The following PPFIA3 variants were observed in gnomAD, a reference collection of about 807,000 sequenced individuals.
The protein encoded by PPFIA3 is PPFI scaffold protein A3.
In PPFIA3, 26 loss-of-function variants were observed where a neutral mutation model predicts 145.8. The ratio of observed to expected loss-of-function variants is 0.18; its 90% confidence interval spans 0.13 to 0.25. The LOEUF (loss-of-function observed/expected upper bound fraction) is 0.25, where lower values mean the gene tolerates loss of function less well. Ranked by LOEUF, PPFIA3 falls within the 10% of genes least tolerant of loss-of-function variation. The pLI, the probability that PPFIA3 is intolerant of heterozygous loss-of-function variation, is 1.00. For missense variants in PPFIA3, 1,008 were observed against 1,587.8 expected, an observed-to-expected ratio of 0.63 and a Z score of 6.21; for synonymous variants, 645 against 661.4, an observed-to-expected ratio of 0.98 and a Z score of 0.38.
intron 19 of PPFIA3, among the ~76,000 whole-genome samples, 169 bp from the exon 20 acceptor site, chr19:49,141,865 A>G (rs181352738): frequency 6.7e-6 from 1 of 150,128 alleles, no homozygotes; most frequent in East Asian, 2.0e-4. Flanking sequence ...GAGAGGATTT[A>G]CAGATTCACA....
intron 16 of PPFIA3, 65 bp downstream of exon 16, chr19:49,138,492 C>A: frequency 7.4e-7 from 1 of 1,344,708 alleles, no homozygotes; most frequent in Non-Finnish European, 9.9e-7. Context: ...CAGGGCTCCC[C>A]AGTGTACAGC....
In PPFIA3 at chr19:49,133,377, G is replaced by C. The variant is rs373075190; in HGVS notation, c.1161+6G>C. The stretch of plus-strand genomic sequence containing the variant: ...GCGTGGCGGCGCTCAACAAGGTGCG[G>C]GGAGGACTCGGGTCGGGGCCTTGCG... On this transcript the variant is annotated splice_donor_region_variant and intron_variant, in intron 9 of 29. Transcript: ENST00000334186. The surrounding 1 kb of genome is among the most constrained non-coding windows in gnomAD (Gnocchi z 7.2). 25 of 1,595,258 alleles carry C rather than the reference G, an allele frequency of 1.6e-5. No individual in the cohort carries two copies. The African/African-American group carries it at 3.0e-4, about 19-fold the overall frequency.
At chr19:49,129,547 G>T (rs982447882) in intron 5 of PPFIA3, 93 bp downstream of exon 5, 5 of 1,337,338 alleles carry the variant, frequency 3.7e-6, no homozygotes, top group Non-Finnish European at 5.2e-6. Flanking sequence ...GTTCCAGAGA[G>T]AATCTATTGG....
chr19:49,143,767 G>C (rs1350172488), intron 21 of PPFIA3, among the ~76,000 whole-genome samples: 2 of 152,176 alleles, frequency 1.3e-5, no homozygotes, highest in Non-Finnish European at 2.9e-5. Context: ...TACTTGCTCT[G>C]TTGTGTGTGT....
chr19:49,130,277 T>C lies in PPFIA3; in HGVS notation c.658-101T>C, dbSNP rs1205712815. ...TGGACTCTGACCAGCATGATCCTTATTGATCTTTGATCTACTTTCAGCTGA... is the reference window on the plus strand; with the variant it reads ...TGGACTCTGACCAGCATGATCCTTACTGATCTTTGATCTACTTTCAGCTGA... On this transcript the variant is annotated intron_variant, in intron 6 of 29. Transcript: ENST00000334186. The surrounding 1 kb of genome is among the most constrained non-coding windows in gnomAD (Gnocchi z 4.5). 3 of 1,274,718 alleles carry C rather than the reference T, an allele frequency of 2.4e-6. No individual in the cohort carries two copies. The highest frequency in any genetic ancestry group is 1.5e-5 in the African/African-American group (1 of 67,072). The allele number at this position is 1,274,718 out of a possible 1,614,324, so 79.0% of individuals were successfully genotyped here.
intron 16 of PPFIA3, among the ~76,000 whole-genome samples, chr19:49,138,698 G>A (rs575012515): frequency 7.2e-5 from 11 of 152,252 alleles, no homozygotes; most frequent in African/African-American, 2.4e-4. Flanking sequence ...GGCTGGGTGC[G>A]GTGGCTCACG....
intron 20 of PPFIA3, among the ~76,000 whole-genome samples, chr19:49,142,366 A>C (rs148883672): frequency 6.7e-6 from 1 of 149,486 alleles, no homozygotes. Flanking sequence ...CGTTCTCTCT[A>C]CTCTCTCTTT....
In PPFIA3 at chr19:49,150,275, C is replaced by A; in HGVS notation, c.*53C>A. The A allele has an allele frequency of 1.1e-6, 1 of 948,270 alleles. No homozygotes were observed. Among genetic ancestry groups the A allele is most frequent in the Non-Finnish European group, 1.6e-6 (1 of 642,040 alleles). 58.7% of individuals were successfully genotyped at this position (948,270 alleles called of 1,614,324 possible). ...ACGGAAGAATCTTCCCGAGGCTGGGCTGTTCCCTCTCCTGCCCGGACTGTG... is the reference window on the plus strand; with the variant it reads ...ACGGAAGAATCTTCCCGAGGCTGGGATGTTCCCTCTCCTGCCCGGACTGTG... On this transcript the variant is annotated 3_prime_UTR_variant, in exon 30 of 30. Coordinates refer to ENST00000334186, the MANE Select transcript of PPFIA3 (RefSeq NM_003660.4).
At chr19:49,148,372 C>G (rs1344685322) in intron 24 of PPFIA3, 114 bp downstream of exon 24, 1 of 1,215,742 alleles carries the variant, frequency 8.2e-7, no homozygotes, top group Non-Finnish European at 1.1e-6. Flanking sequence ...CCCTTTTAGC[C>G]TGAGTTCTCA....
At chr19:49,125,492 C>T (rs2122529276) in intron 1 of PPFIA3, 2 of 152,492 alleles carry the variant, frequency 1.3e-5, no homozygotes, top group African/African-American at 4.8e-5. Flanking sequence ...CCGCCCTGCC[C>T]CTGGCTCTAG....
At chr19:49,148,287 T>A in intron 24 of PPFIA3, 29 bp downstream of exon 24, 1 of 1,597,900 alleles carries the variant, frequency 6.3e-7, no homozygotes, top group Non-Finnish European at 8.5e-7. Flanking sequence ...GTGGGGACAG[T>A]CCAAAGGGAA....
In PPFIA3 at chr19:49,138,420, A is replaced by G. The variant is rs1175639490; in HGVS notation, c.2069A>G (p.Asp690Gly). 1.9e-6 allele frequency: 3 copies of G among 1,542,562 alleles called. No individual in the cohort carries two copies. Among genetic ancestry groups the G allele is most frequent in the South Asian group, 1.2e-5 (1 of 81,474 alleles). ...CCTAGCCCTGCCCGTGAGGGCACCG[A>G]CAAGGCTGTGAGTGCTCTGAAGTCT... Reference protein sequence around the residue: ...APPSPAREGTDKANHVPKEEA... With the variant: ...APPSPAREGTGKANHVPKEEA... Residue 690 changes from aspartate (D) to glycine (G), a missense_variant, in exon 16 of 30, where the codon GAC (aspartate) becomes GGC (glycine). Physicochemically the swap from Asp to Gly is moderately conservative, Grantham distance 94 (BLOSUM62 -1). Coordinates refer to ENST00000334186, the MANE Select transcript of PPFIA3 (RefSeq NM_003660.4).
rs2041057786 is a variant in PPFIA3, at chr19:49,130,617, G to A, written c.879+18G>A. ...TCAAGGAGGTGAGGCCCCCAGGGAGGCGGGCTGCCCTGGGTCCCTCGCCTT... is the reference window on the plus strand; with the variant it reads ...TCAAGGAGGTGAGGCCCCCAGGGAGACGGGCTGCCCTGGGTCCCTCGCCTT... On this transcript the variant is annotated intron_variant, in intron 7 of 29. Coordinates refer to ENST00000334186, the MANE Select transcript of PPFIA3 (RefSeq NM_003660.4). The surrounding 1 kb of genome is among the most constrained non-coding windows in gnomAD (Gnocchi z 4.5). The A allele has an allele frequency of 1.3e-6, 2 of 1,546,260 alleles. No individual in the cohort carries two copies. The highest frequency in any genetic ancestry group is 4.9e-5 in the East Asian group (2 of 40,906).
At chr19:49,135,324 G>C (rs866321453) in intron 13 of PPFIA3, among the ~76,000 whole-genome samples, 4 of 152,164 alleles carry the variant, frequency 2.6e-5, no homozygotes, top group Middle Eastern at 6.8e-3. Context: ...TTACAGGTGT[G>C]AGCCACTGTG....
intron 7 of PPFIA3, among the ~76,000 whole-genome samples, chr19:49,131,024 G>A (rs993389975): frequency 2.1e-5 from 2 of 97,220 alleles, no homozygotes; most frequent in Admixed American, 1.0e-4. Context: ...ACCATGCACC[G>A]CTAATTTTTT....
chr19:49,131,375 G>C (rs1351027187), intron 7 of PPFIA3, among the ~76,000 whole-genome samples: 1 of 145,068 alleles, frequency 6.9e-6, no homozygotes, highest in Non-Finnish European at 1.5e-5. Context: ...AGTAGAAATG[G>C]GGTTTCACTA....
chr19:49,131,329 T>G (rs112683728), intron 7 of PPFIA3, among the ~76,000 whole-genome samples: 34 of 115,208 alleles, frequency 3.0e-4, no homozygotes, highest in African/African-American at 1.1e-3. Flanking sequence ...CCACCACACC[T>G]GGCTAATTTT....
chr19:49,144,192 G>C (rs989354465), intron 21 of PPFIA3, among the ~76,000 whole-genome samples: 20 of 151,962 alleles, frequency 1.3e-4, no homozygotes, highest in African/African-American at 4.8e-4. Context: ...TGTATTCTTA[G>C]TAGAGATGGG....
At chr19:49,145,377 T>G (rs533195841) in intron 21 of PPFIA3, among the ~76,000 whole-genome samples, 2 of 152,230 alleles carry the variant, frequency 1.3e-5, no homozygotes, top group Non-Finnish European at 1.5e-5. Flanking sequence ...CTATTCACTC[T>G]GTATTCAAAT....
Sources: gnomAD v4.1 joint callset for allele counts (sites outside exome capture counted in the v4.1 genomes callset) on GRCh38, gnomAD v4.1.1 for gene constraint, Gnocchi (gnomAD v3.1) non-coding constraint, MANE v1.5 for transcripts, NCBI Gene and HGNC (gene_info 2026-07-23, HGNC 2026-07-21) for gene names.